ZNF780B: variants seen among roughly 807,000 people sequenced by gnomAD.
ZNF780B encodes zinc finger protein 779.
A neutral mutation model predicts 74.1 loss-of-function variants in ZNF780B; 52 were observed. The observed-to-expected ratio is 0.70, with a 90% CI of 0.56 to 0.88. The LOEUF (loss-of-function observed/expected upper bound fraction) is 0.88, where lower values mean the gene tolerates loss of function less well. ZNF780B is among the 40% of genes least tolerant of loss of function. ZNF780B has a pLI of 0.00. For missense variants in ZNF780B, 953 were observed against 1,007.6 expected, an observed-to-expected ratio of 0.95 and a Z score of 0.73; for synonymous variants, 315 against 324.3, an observed-to-expected ratio of 0.97 and a Z score of 0.31.
Position 40,035,071 on chromosome 19 carries a change from A to T in ZNF780B, c.1788T>A (p.Leu596=), listed in dbSNP as rs753522173. The change falls in exon 5 of 5, where the codon CTT becomes CTA. Residue 596 remains leucine (L), a synonymous_variant. Coordinates refer to ENST00000434248, the MANE Select transcript of ZNF780B (RefSeq NM_001005851.3). ...ECKECGKAFR[L]HMHLIRHQKF... Reference sequence around the variant, plus strand: ...TCTGATGTCGAATAAGGTGCATATGAAGTCGAAAGGCTTTCCCACATTCCT... The same window carrying T: ...TCTGATGTCGAATAAGGTGCATATGTAGTCGAAAGGCTTTCCCACATTCCT... 3 of 1,614,028 alleles carry T rather than the reference A, an allele frequency of 1.9e-6. No homozygotes were observed. The African/African-American group carries it at 4.0e-5, about 22-fold the overall frequency.
chr19:40,034,949 C>A lies in ZNF780B; in HGVS notation c.1910G>T (p.Gly637Val), dbSNP rs1353298458. ...QLNHHKNIHT[G>V]EKPFKCKECG... ...TTCTTTACATTTAAATGGCTTCTCACCTGTGTGAATGTTCTTATGGTGATT... is the reference window on the plus strand; with the variant it reads ...TTCTTTACATTTAAATGGCTTCTCAACTGTGTGAATGTTCTTATGGTGATT... Residue 637 changes from glycine to valine, a missense_variant, in exon 5 of 5, where the codon GGT (glycine) becomes GTT (valine). Physicochemically the swap from Gly to Val is moderately radical, Grantham distance 109. Transcript: ENST00000434248. 6.2e-6 allele frequency: 10 copies of A among 1,613,994 alleles called. No individual in the cohort carries two copies. Among genetic ancestry groups the A allele is most frequent in the Non-Finnish European group, 7.6e-6 (9 of 1,180,024 alleles).
At position 40,047,392 on chromosome 19, in the gene ZNF780B, G is replaced by C; in HGVS notation, c.215C>G (p.Thr72Arg). Residue 72 changes from threonine to arginine, a missense_variant, in exon 4 of 5, where the codon ACA becomes AGA. Coordinates refer to ENST00000434248, the MANE Select transcript of ZNF780B (RefSeq NM_001005851.3). ...KEPWIVVSKE[T>R]SRWYPDLESK... ...TCACTTACCTGGATACCATCTGCTT[G>C]TTTCTTTACTTACAACAATCCAGGG... 6.2e-7 allele frequency: 1 copy of C among 1,613,576 alleles called. No individual in the cohort carries two copies. Among genetic ancestry groups the C allele is most frequent in the Non-Finnish European group, 8.5e-7 (1 of 1,179,688 alleles).
chr19:40,043,365 C>A (rs1318020986), intron 4 of ZNF780B, among the ~76,000 whole-genome samples: 1 of 152,232 alleles, frequency 6.6e-6, no homozygotes, highest in African/African-American at 2.4e-5. Context: ...GCTCGGGGGT[C>A]AGGGAAACAC....
At position 40,036,317 on chromosome 19, in the gene ZNF780B, A is replaced by G. The variant is rs1972310660; in HGVS notation, c.542T>C (p.Ile181Thr). 1 of 1,613,906 alleles carries G rather than the reference A, an allele frequency of 6.2e-7. No homozygotes were observed. Residue 181 changes from isoleucine to threonine, a missense_variant, in exon 5 of 5, where the codon ATT (isoleucine) becomes ACT (threonine). Physicochemically the swap from Ile to Thr is moderately conservative, Grantham distance 89. Transcript: ENST00000434248. ...TCCAGTATGAATACTCTGATGCTGA[A>G]TAAGATTTGAACCACAACTAAAGTA... ...GKYFSCGSNL[I>T]QHQSIHTGEK...
intron 4 of ZNF780B, among the ~76,000 whole-genome samples, chr19:40,040,913 A>G (rs1215471592): frequency 2.6e-5 from 4 of 151,996 alleles, no homozygotes; most frequent in Non-Finnish European, 5.9e-5. Context: ...TATTTCCTTC[A>G]GTTCTGCTCT....
At chr19:40,037,635 C>G (rs183797876) in intron 4 of ZNF780B, among the ~76,000 whole-genome samples, 17 of 152,212 alleles carry the variant, frequency 1.1e-4, no homozygotes, top group African/African-American at 4.1e-4. Flanking sequence ...GTTTACAGAT[C>G]ATACTTAAAA....
chr19:40,046,223 A>G (rs1972927440), intron 4 of ZNF780B, among the ~76,000 whole-genome samples: 1 of 152,228 alleles, frequency 6.6e-6, no homozygotes, highest in Non-Finnish European at 1.5e-5. Flanking sequence ...AATGTATTGT[A>G]TATTTCAAAA....
At position 40,035,037 on chromosome 19, in the gene ZNF780B, T is replaced by C; in HGVS notation, c.1822A>G (p.Thr608Ala). 1.2e-6 allele frequency: 2 copies of C among 1,614,192 alleles called. No homozygotes were observed. Among genetic ancestry groups the C allele is most frequent in the Non-Finnish European group, 1.7e-6 (2 of 1,180,016 alleles). The change falls in exon 5 of 5, where the codon ACT becomes GCT. Residue 608 changes from threonine to alanine, a missense_variant. Physicochemically the swap from Thr to Ala is moderately conservative, Grantham distance 58. Coordinates refer to ENST00000434248, the MANE Select transcript of ZNF780B (RefSeq NM_001005851.3). ...MHLIRHQKFHTGEKPFECKEC... is the reference protein window; with the variant it reads ...MHLIRHQKFHAGEKPFECKEC... ...TTACATTCAAAGGGCTTCTCACCAGTATGAAATTTCTGATGTCGAATAAGG... is the reference window on the plus strand; with the variant it reads ...TTACATTCAAAGGGCTTCTCACCAGCATGAAATTTCTGATGTCGAATAAGG...
chr19:40,054,254 G>A (rs1973374726), intron 1 of ZNF780B, among the ~76,000 whole-genome samples: 1 of 152,166 alleles, frequency 6.6e-6, no homozygotes, highest in Admixed American at 6.5e-5. Flanking sequence ...GTTGGCTGGG[G>A]AAATGTTGGT....
At chr19:40,037,204 T>C (rs577480460) in intron 4 of ZNF780B, among the ~76,000 whole-genome samples, 182 of 151,140 alleles carry the variant, frequency 1.2e-3, no homozygotes, top group African/African-American at 4.2e-3. Context: ...TGTGAGCCAT[T>C]GTGCCTGGCC....
In ZNF780B at chr19:40,035,116, T is replaced by G. The variant is rs1427890325; in HGVS notation, c.1743A>C (p.Gly581=). 1 of 1,613,226 alleles carries G rather than the reference T, an allele frequency of 6.2e-7. No individual in the cohort carries two copies. The highest frequency in any genetic ancestry group is 8.5e-7 in the Non-Finnish European group (1 of 1,179,646). The part of the protein sequence containing the change: ...NLNQHRSIHT[G]KKPFECKECG... Reference sequence around the variant, plus strand: ...ATTCCTTACATTCAAAGGGTTTCTTTCCGGTATGAATACTTCGATGTTGAT... The same window carrying G: ...ATTCCTTACATTCAAAGGGTTTCTTGCCGGTATGAATACTTCGATGTTGAT... The change falls in exon 5 of 5, where the codon GGA becomes GGC. Residue 581 remains glycine (G), a synonymous_variant. Transcript: ENST00000434248.
At chr19:40,043,848 C>G (rs1010310941) in intron 4 of ZNF780B, among the ~76,000 whole-genome samples, 2 of 152,260 alleles carry the variant, frequency 1.3e-5, no homozygotes, top group African/African-American at 4.8e-5. Flanking sequence ...TGACCCCTTG[C>G]ACTTCCCGAG....
At chr19:40,038,742 G>A (rs1021338082) in intron 4 of ZNF780B, among the ~76,000 whole-genome samples, 21 of 152,206 alleles carry the variant, frequency 1.4e-4, no homozygotes, top group Admixed American at 7.8e-4. Context: ...CACATCCTTC[G>A]CCCACTTTTT....
At chr19:40,042,874 G>A (rs1401532192) in intron 4 of ZNF780B, among the ~76,000 whole-genome samples, 1 of 152,150 alleles carries the variant, frequency 6.6e-6, no homozygotes, top group East Asian at 1.9e-4. Context: ...GGAGTAGTTT[G>A]ATTGTCTGAA....
chr19:40,034,622 A>G lies in ZNF780B; in HGVS notation c.2237T>C (p.Ile746Thr). The change falls in exon 5 of 5, where the codon ATT (isoleucine) becomes ACT (threonine). Residue 746 changes from isoleucine to threonine, a missense_variant. Physicochemically the swap from Ile to Thr is moderately conservative, Grantham distance 89. Coordinates refer to ENST00000434248, the MANE Select transcript of ZNF780B (RefSeq NM_001005851.3). The part of the protein sequence containing the change: ...LLTQLAQHQI[I>T]HTGEKPFKCK... ...TTTAAATGGCTTCTCACCAGTATGA[A>G]TGATCTGATGTTGAGCAAGCTGTGT... The G allele has an allele frequency of 1.9e-6, 3 of 1,613,990 alleles. No individual in the cohort carries two copies. The highest frequency in any genetic ancestry group is 2.5e-6 in the Non-Finnish European group (3 of 1,179,976).
At chr19:40,046,479 C>T (rs189517096) in intron 4 of ZNF780B, among the ~76,000 whole-genome samples, 21 of 152,328 alleles carry the variant, frequency 1.4e-4, no homozygotes, top group Admixed American at 1.2e-3. Context: ...ACGACTCCGA[C>T]GTAACTCTCA....
intron 4 of ZNF780B, among the ~76,000 whole-genome samples, chr19:40,038,908 T>C (rs1972492838): frequency 1.3e-5 from 2 of 151,568 alleles, no homozygotes; most frequent in South Asian, 2.1e-4. Context: ...AGAAGCTCTT[T>C]AGTTTAATTA....
At chr19:40,051,944 C>A (rs1973249254) in intron 1 of ZNF780B, among the ~76,000 whole-genome samples, 1 of 152,150 alleles carries the variant, frequency 6.6e-6, no homozygotes, top group South Asian at 2.1e-4. Flanking sequence ...ATACATGTAA[C>A]ATTTTCTTGA....
In ZNF780B at chr19:40,034,501, A is replaced by C; in HGVS notation, c.2358T>G (p.Cys786Trp). The C allele has an allele frequency of 1.2e-6, 2 of 1,613,918 alleles. No homozygotes were observed. ...TGEKPYECKE[C>W]GKAFRLHLQL... ...GTAGGTGAAGTCTAAAAGCCTTCCCACACTCCTTACATTCATAGGGTTTCT... is the reference window on the plus strand; with the variant it reads ...GTAGGTGAAGTCTAAAAGCCTTCCCCCACTCCTTACATTCATAGGGTTTCT... The change falls in exon 5 of 5, where the codon TGT becomes TGG. Residue 786 changes from cysteine to tryptophan, a missense_variant. Cys to Trp is a radical substitution (Grantham distance 215). Transcript: ENST00000434248.
Sources: gnomAD v4.1 joint callset for allele counts (sites outside exome capture counted in the v4.1 genomes callset) on GRCh38, gnomAD v4.1.1 for gene constraint, MANE v1.5 for transcripts, NCBI Gene and HGNC (gene_info 2026-07-23, HGNC 2026-07-21) for gene names.